KCNN1: variants seen among roughly 807,000 people sequenced by gnomAD.
The protein encoded by KCNN1 is potassium calcium-activated channel subfamily N member 1.
A neutral mutation model predicts 44.7 loss-of-function variants in KCNN1; 20 were observed. The ratio of observed to expected loss-of-function variants is 0.45; its 90% CI spans 0.32 to 0.65. The LOEUF (loss-of-function observed/expected upper bound fraction) is 0.65. KCNN1 is among the 30% of genes least tolerant of loss of function. KCNN1 has a pLI of 0.05. For synonymous variants in KCNN1, 324 were observed against 341.7 expected (o/e 0.95, Z 0.57); for missense variants, 632 against 785.3 (o/e 0.80, Z 2.33).
chr19:17,987,835 C>A (rs1329928601), intron 5 of KCNN1, among the ~76,000 whole-genome samples: 2 of 121,282 alleles, frequency 1.6e-5, no homozygotes, highest in Non-Finnish European at 3.3e-5. Context: ...CATATCGCTA[C>A]CAAAAAAAAA....
chr19:17,967,219 C>A lies in KCNN1; in HGVS notation c.-180C>A. The A allele has an allele frequency of 1.0e-6, 1 of 979,696 alleles. No individual in the cohort carries two copies. The highest frequency in any genetic ancestry group is 1.2e-6 in the Non-Finnish European group (1 of 825,644). 60.7% of individuals were successfully genotyped at this position (979,696 alleles called of 1,614,324 possible). On this transcript the variant is annotated 5_prime_UTR_variant, in exon 1 of 10. Transcript: ENST00000684775. The stretch of plus-strand genomic sequence containing the variant: ...CGCGCCCGCTCGCTGCTGCCCGCCC[C>A]GTCCGCGACCCCGGCTCCGGCTCCC...
chr19:17,975,144 T>A lies in KCNN1; in HGVS notation c.455T>A (p.Ile152Asn). 1 of 1,613,672 alleles carries A rather than the reference T, an allele frequency of 6.2e-7. No homozygotes were observed. The highest frequency in any genetic ancestry group is 8.5e-7 in the Non-Finnish European group (1 of 1,179,774). Residue 152 changes from isoleucine (I) to asparagine (N), a missense_variant, in exon 3 of 10, where the codon ATC becomes AAC. By Grantham distance (149) the Ile-to-Asn change is moderately radical. Around this residue, in one of 3 missense-constraint regions of KCNN1, gnomAD observed 235 missense variants for 224.0 expected, o/e 1.05. Coordinates refer to ENST00000684775, the MANE Select transcript of KCNN1 (RefSeq NM_001386974.1). Reference protein sequence around the residue: ...LKCLISLSTAILLGLVVLYHA... With the variant: ...LKCLISLSTANLLGLVVLYHA... ...TGCCTCATCAGCCTCTCCACGGCCA[T>A]CCTGCTGGGTCTCGTTGTCCTCTAC...
rs118035185 is a variant in KCNN1 at position 17,995,519 on chromosome 19, T to C, written c.1377+1960T>C. Among the ~76,000 whole-genome samples, 1,419 of 152,152 alleles carry C rather than the reference T, an allele frequency of 9.3e-3. 10 individuals are homozygous for C. Among genetic ancestry groups the C allele is most frequent in the Non-Finnish European group, 0.016 (1,102 of 67,986 alleles). On this transcript the variant is annotated intron_variant, in intron 9 of 9. Coordinates refer to ENST00000684775, the MANE Select transcript of KCNN1 (RefSeq NM_001386974.1). ...AACATATTCTAGACCCCTGAAGATA[T>C]ACAGTTAACTCTCGAACATGGGGGT...
intron 5 of KCNN1, among the ~76,000 whole-genome samples, chr19:17,986,486 C>T (rs1043281635): frequency 1.3e-5 from 2 of 152,106 alleles, no homozygotes; most frequent in Non-Finnish European, 2.9e-5. Context: ...GGCAGCACCC[C>T]GTCTCCCCGA....
In KCNN1 at chr19:17,979,700, A is replaced by G. The variant is rs764509818; in HGVS notation, c.499-2009A>G. Among the ~76,000 whole-genome samples, 156 of 152,074 alleles carry G rather than the reference A, an allele frequency of 1.0e-3. 2 individuals are homozygous for G. Among genetic ancestry groups the G allele is most frequent in the Non-Finnish European group, 4.1e-4 (28 of 67,984 alleles). On this transcript the variant is annotated intron_variant, in intron 3 of 9. Coordinates refer to ENST00000684775, the MANE Select transcript of KCNN1 (RefSeq NM_001386974.1). Reference sequence around the variant, plus strand: ...CAGGGTACCCCATGGAGGGTGAGCAATGGCGCTGTAGGGTGTCCTTTATGT... The same window carrying G: ...CAGGGTACCCCATGGAGGGTGAGCAGTGGCGCTGTAGGGTGTCCTTTATGT...
rs2031842226 is a variant in KCNN1 at position 17,967,185 on chromosome 19, C to T, written c.-214C>T. The T allele has an allele frequency of 1.1e-6, 1 of 949,598 alleles. No individual in the cohort carries two copies. The highest frequency in any genetic ancestry group is 6.4e-5 in the Admixed American group (1 of 15,748). 58.8% of individuals were successfully genotyped at this position (949,598 alleles called of 1,614,324 possible). On this transcript the variant is annotated 5_prime_UTR_variant, in exon 1 of 10. Coordinates refer to ENST00000684775, the MANE Select transcript of KCNN1 (RefSeq NM_001386974.1). ...CGCCGCCGCCCCCGGCCCCGCCGCC[C>T]CCGGGCCCCGCGCCCGCTCGCTGCT... is the stretch of plus-strand genomic sequence containing the variant.
chr19:17,985,319 G>T lies in KCNN1; in HGVS notation c.925G>T (p.Asp309Tyr). The stretch of plus-strand genomic sequence containing the variant: ...CCACTCTGGCTCCCCCAGGTACCAC[G>T]ACAAGCAGGAAGTGACCAGCAACTT... The part of the protein sequence containing the change: ...WTVRVCERYH[D>Y]KQEVTSNFLG... The change falls in exon 5 of 10, where the codon GAC becomes TAC. Residue 309 changes from aspartate to tyrosine, a missense_variant. Asp to Tyr is a radical substitution (Grantham distance 160). Around this residue, in one of 3 missense-constraint regions of KCNN1, gnomAD observed 160 missense variants for 308.3 expected, o/e 0.52. Coordinates refer to ENST00000684775, the MANE Select transcript of KCNN1 (RefSeq NM_001386974.1). The T allele has an allele frequency of 6.3e-7, 1 of 1,597,918 alleles. No individual in the cohort carries two copies. The highest frequency in any genetic ancestry group is 8.5e-7 in the Non-Finnish European group (1 of 1,170,716).
rs769669333 is a variant in KCNN1, at chr19:17,974,167, G to A, written c.279G>A (p.Leu93=). The change falls in exon 2 of 10, where the codon CTG becomes CTA. Residue 93 remains leucine (L), a synonymous_variant. Transcript: ENST00000684775. The surrounding 1 kb of genome is among the most constrained non-coding windows in gnomAD (Gnocchi z 7.3). ...AACCCTCAAATGTGGGCCACCGCCTGGGCCACCGGCGGGCGCTCTTCGAGA... is the reference window on the plus strand; with the variant it reads ...AACCCTCAAATGTGGGCCACCGCCTAGGCCACCGGCGGGCGCTCTTCGAGA... ...SGKPSNVGHR[L]GHRRALFEKR... is the part of the protein sequence containing the mutation. 3.1e-6 allele frequency: 5 copies of A among 1,613,706 alleles called. 1 individual carries two copies. Among genetic ancestry groups the A allele is most frequent in the Middle Eastern group, 3.3e-4 (2 of 6,060 alleles).
At chr19:17,970,609 G>C (rs143211244) in intron 1 of KCNN1, among the ~76,000 whole-genome samples, 1 of 151,376 alleles carries the variant, frequency 6.6e-6, no homozygotes, top group Non-Finnish European at 1.5e-5. Context: ...GAGCCACCAC[G>C]CCCAGCCAGT....
chr19:17,976,686 G>T, intron 3 of KCNN1, among the ~76,000 whole-genome samples: 1 of 151,620 alleles, frequency 6.6e-6, no homozygotes, highest in Admixed American at 6.6e-5. Context: ...CCAAGGTGCT[G>T]GGATTACAGG....
upstream of KCNN1, among the ~76,000 whole-genome samples, chr19:17,962,460 C>A (rs1339856290): frequency 6.6e-6 from 1 of 152,134 alleles, no homozygotes; most frequent in African/African-American, 2.4e-5. Flanking sequence ...TGTCTTCTGG[C>A]CTGAAACTGG....
In KCNN1 at chr19:17,993,423, C is replaced by A; in HGVS notation, c.1308-67C>A. The A allele has an allele frequency of 8.2e-7, 1 of 1,217,378 alleles. No individual in the cohort carries two copies. The highest frequency in any genetic ancestry group is 1.2e-6 in the Non-Finnish European group (1 of 835,310). The allele number at this position is 1,217,378 out of a possible 1,614,324, so 75.4% of individuals were successfully genotyped here. ...TGACCCCGGGTGGGTGCATGAAAGT[C>A]CCTGCCCCCACTGCAGCCTCCACGG... On this transcript the variant is annotated intron_variant, in intron 8 of 9. Transcript: ENST00000684775. This position sits in a 1 kb window ranked among gnomAD's most constrained non-coding sequence, Gnocchi z 4.5.
intron 2 of KCNN1, chr19:17,954,791 A>C (rs1568443272): frequency 6.6e-6 from 1 of 151,472 alleles, no homozygotes; most frequent in Non-Finnish European, 1.5e-5. Context: ...TAATCCCAGC[A>C]CTTTGGGAGG....
rs184861031 is a variant in KCNN1, at chr19:17,954,962, C to T, written c.-82+281C>T. ...CTGAGGCAGGAGGACCACTTGAATC[C>T]GGGAGGCAGAGGTTGCAGTGAGCCA... On this transcript the variant is annotated intron_variant, in intron 2 of 10. Transcript: ENST00000222249. 5.3e-3 allele frequency among the ~76,000 whole-genome samples: 789 copies of T among 149,524 alleles called. 7 individuals are homozygous for T. The highest frequency in any genetic ancestry group is 0.018 in the African/African-American group (713 of 40,626).
chr19:17,975,026 G>A, intron 2 of KCNN1, 66 bp from the exon 3 acceptor site: 3 of 1,296,742 alleles, frequency 2.3e-6, no homozygotes, highest in Admixed American at 1.7e-5. Flanking sequence ...CCAGGGTAAG[G>A]GGATGGGAGG....
At chr19:17,958,303 A>G (rs1188247655) in intron 2 of KCNN1, among the ~76,000 whole-genome samples, 1 of 152,004 alleles carries the variant, frequency 6.6e-6, no homozygotes, top group Non-Finnish European at 1.5e-5. Flanking sequence ...CAACATGGCA[A>G]GACCCCATCT....
Position 17,981,743 on chromosome 19 carries a change from G to A in KCNN1, c.533G>A (p.Arg178His). ...FMVDNGADDW[R>H]IAMTCERVFL... The stretch of plus-strand genomic sequence containing the variant: ...GTGGACAACGGGGCTGATGACTGGC[G>A]CATCGCCATGACCTGCGAGCGCGTG... The change falls in exon 4 of 10, where the codon CGC (arginine) becomes CAC (histidine). Residue 178 changes from arginine to histidine, a missense_variant. Physicochemically the swap from Arg to His is conservative, Grantham distance 29. Around this residue, in one of 3 missense-constraint regions of KCNN1, gnomAD observed 160 missense variants for 308.3 expected, o/e 0.52. Coordinates refer to ENST00000684775, the MANE Select transcript of KCNN1 (RefSeq NM_001386974.1). 6.3e-7 allele frequency: 1 copy of A among 1,599,034 alleles called. No individual in the cohort carries two copies. The highest frequency in any genetic ancestry group is 8.6e-7 in the Non-Finnish European group (1 of 1,169,316).
intron 6 of KCNN1, among the ~76,000 whole-genome samples, chr19:17,989,153 C>G (rs1455694035): frequency 1.3e-5 from 2 of 152,166 alleles, no homozygotes; most frequent in African/African-American, 4.8e-5. Flanking sequence ...CATGCCGATT[C>G]ACTGAGTTAA....
intron 3 of KCNN1, among the ~76,000 whole-genome samples, chr19:17,975,686 G>T (rs2032183551): frequency 6.6e-6 from 1 of 152,070 alleles, no homozygotes; most frequent in Admixed American, 6.6e-5. Flanking sequence ...CTCCCAAAGT[G>T]CTAGGATTAC....
Sources: gnomAD v4.1 joint callset for allele counts (sites outside exome capture counted in the v4.1 genomes callset) on GRCh38, gnomAD v4.1.1 for gene constraint, gnomAD v4.1.1 regional missense constraint, Gnocchi (gnomAD v3.1) non-coding constraint, MANE v1.5 for transcripts, NCBI Gene and HGNC (gene_info 2026-07-23, HGNC 2026-07-21) for gene names.